ABHD15: variants seen among roughly 807,000 people sequenced by gnomAD.
The protein encoded by ABHD15 is abhydrolase domain containing 15.
ABHD15 carries 34 observed loss-of-function variants against 34.4 expected under a neutral mutation model. The observed-to-expected ratio is 0.99, with a 90% CI of 0.75 to 1.32. The LOEUF is 1.32. Ranked by LOEUF, ABHD15 falls within the 40% of genes most tolerant of loss-of-function variation. The pLI is 0.00. For missense variants in ABHD15, 644 were observed against 650.4 expected, an observed-to-expected ratio of 0.99 and a Z score of 0.11; for synonymous variants, 314 against 299.2, an observed-to-expected ratio of 1.05 and a Z score of -0.51.
rs768689537 is a variant in ABHD15, at chr17:29,566,710, G to A, written c.257C>T (p.Ala86Val). ...PSALAQCLLR[A>V]LRRSEALEAG... is the part of the protein sequence containing the mutation. Reference sequence around the variant, plus strand: ...CTCCAGCGCCTCTGAGCGCCGCAGGGCGCGCAGCAGGCACTGGGCCAGGGC... The same window carrying A: ...CTCCAGCGCCTCTGAGCGCCGCAGGACGCGCAGCAGGCACTGGGCCAGGGC... The change falls in exon 1 of 2, where the codon GCC (alanine) becomes GTC (valine). Residue 86 changes from alanine (A) to valine (V), a missense_variant. By Grantham distance (64) the Ala-to-Val change is moderately conservative. Coordinates refer to ENST00000307201, the MANE Select transcript of ABHD15 (RefSeq NM_198147.3). 30 of 1,581,216 alleles carry A rather than the reference G, an allele frequency of 1.9e-5. No homozygotes were observed. The highest frequency in any genetic ancestry group is 1.9e-5 in the Non-Finnish European group (22 of 1,170,090).
At chr17:29,565,288 T>G (rs1332304416) in intron 1 of ABHD15, among the ~76,000 whole-genome samples, 3 of 152,058 alleles carry the variant, frequency 2.0e-5, no homozygotes, top group Non-Finnish European at 2.9e-5. Context: ...AATAATAATT[T>G]TAATAAATGC....
chr17:29,562,813 G>A lies in ABHD15; in HGVS notation c.1155C>T (p.Leu385=). The change falls in exon 2 of 2, where the codon CTC becomes CTT. Residue 385 remains leucine (L), a synonymous_variant. Transcript: ENST00000307201. ...FHSNPYFFLL[L]SRHGGHCGFL... Reference sequence around the variant, plus strand: ...AGCCACAGTGGCCTCCGTGGCGACTGAGCAGGAGGAAGAAGTAGGGGTTGC... The same window carrying A: ...AGCCACAGTGGCCTCCGTGGCGACTAAGCAGGAGGAAGAAGTAGGGGTTGC... 1 of 1,613,664 alleles carries A rather than the reference G, an allele frequency of 6.2e-7. No homozygotes were observed.
chr17:29,563,384 TAAAAAA>T (rs34446912), intron 1 of ABHD15, among the ~76,000 whole-genome samples: 5 of 121,556 alleles, frequency 4.1e-5, no homozygotes, highest in Non-Finnish European at 7.0e-5. Flanking sequence ...AACCCATCTC[TAAAAAA>T]AAAAAAAAAA....
At chr17:29,565,751 G>T (rs2032696095) in intron 1 of ABHD15, among the ~76,000 whole-genome samples, 1 of 152,242 alleles carries the variant, frequency 6.6e-6, no homozygotes. Context: ...CTGTTAAGCT[G>T]TGGGCTAAGT....
In ABHD15 at chr17:29,561,490, A is replaced by G. The variant is rs1456336501; in HGVS notation, c.*1071T>C. 1.3e-5 allele frequency: 2 copies of G among 152,200 alleles called. No individual in the cohort carries two copies. Among genetic ancestry groups the G allele is most frequent in the East Asian group, 3.9e-4 (2 of 5,190 alleles). 9.4% of individuals were successfully genotyped at this position (152,200 alleles called of 1,614,324 possible). A position where few individuals can be genotyped will look rare whatever the true frequency, so the allele number is the denominator to read the frequency against. On this transcript the variant is annotated 3_prime_UTR_variant, in exon 2 of 2. Transcript: ENST00000307201. ...CCTTTACAGGGATGGCCTTTTGAATAATTGAGCAGACGAAGCATTGGAATA... is the reference window on the plus strand; with the variant it reads ...CCTTTACAGGGATGGCCTTTTGAATGATTGAGCAGACGAAGCATTGGAATA...
rs1598542748 is a variant in ABHD15, at chr17:29,562,379, G to C, written c.*182C>G. 1 of 640,290 alleles carries C rather than the reference G, an allele frequency of 1.6e-6. No homozygotes were observed. The highest frequency in any genetic ancestry group is 2.7e-5 in the East Asian group (1 of 37,010). The allele number at this position is 640,290 out of a possible 1,614,324, so 39.7% of individuals were successfully genotyped here. A position where few individuals can be genotyped will look rare whatever the true frequency, so the allele number is the denominator to read the frequency against. ...GCCAGGCAGGAGTTCTGCTGAGGATGAAGTGAGTGCAGGCTCGCAGGACGT... is the reference window on the plus strand; with the variant it reads ...GCCAGGCAGGAGTTCTGCTGAGGATCAAGTGAGTGCAGGCTCGCAGGACGT... On this transcript the variant is annotated 3_prime_UTR_variant, in exon 2 of 2. Coordinates refer to ENST00000307201, the MANE Select transcript of ABHD15 (RefSeq NM_198147.3).
In ABHD15 at chr17:29,566,190, G is replaced by A. The variant is rs1409526655; in HGVS notation, c.777C>T (p.Ala259=). The A allele has an allele frequency of 1.2e-6, 2 of 1,609,802 alleles. No individual in the cohort carries two copies. ...ECGSSSYVTG[A]ACISPVLRCR... is the part of the protein sequence containing the mutation. ...AGCGCAGCACGGGCGAGATGCAGGC[G>A]GCGCCTGTCACGTAGCTGGAGGAGC... Residue 259 remains alanine, a synonymous_variant, in exon 1 of 2, where the codon GCC becomes GCT. Coordinates refer to ENST00000307201, the MANE Select transcript of ABHD15 (RefSeq NM_198147.3).
In ABHD15 at chr17:29,561,642, C is replaced by T. The variant is rs1019846177; in HGVS notation, c.*919G>A. The T allele has an allele frequency of 6.6e-6, 1 of 152,546 alleles. No individual in the cohort carries two copies. The highest frequency in any genetic ancestry group is 2.4e-5 in the African/African-American group (1 of 41,446). The allele number at this position is 152,546 out of a possible 1,614,324, so 9.4% of individuals were successfully genotyped here. A position where few individuals can be genotyped will look rare whatever the true frequency, so the allele number is the denominator to read the frequency against. ...GTAGTAGGATCAGAAAAGGGAGCAA[C>T]CAACCAGAAAACACCTAAGTTATGA... On this transcript the variant is annotated 3_prime_UTR_variant, in exon 2 of 2. Coordinates refer to ENST00000307201, the MANE Select transcript of ABHD15 (RefSeq NM_198147.3).
rs2032649702 is a variant in ABHD15 at position 29,562,924 on chromosome 17, T to C, written c.1044A>G (p.Ala348=). Residue 348 remains alanine, a synonymous_variant, in exon 2 of 2, where the codon GCA becomes GCG. Transcript: ENST00000307201. ...TGCAGATACACAGCACAGGCACGGCTGCCTCATCGACATCCCGGAGCGGGT... is the reference window on the plus strand; with the variant it reads ...TGCAGATACACAGCACAGGCACGGCCGCCTCATCGACATCCCGGAGCGGGT... ...RNDPLRDVDE[A]AVPVLCICSA... The C allele has an allele frequency of 6.2e-7, 1 of 1,614,120 alleles. No individual in the cohort carries two copies. The highest frequency in any genetic ancestry group is 1.1e-5 in the South Asian group (1 of 91,086).
Position 29,562,994 on chromosome 17 carries a change from G to A in ABHD15, c.974C>T (p.Thr325Ile), listed in dbSNP as rs376067361. Residue 325 changes from threonine (T) to isoleucine (I), a missense_variant, in exon 2 of 2, where the codon ACC (threonine) becomes ATC (isoleucine). Physicochemically the swap from Thr to Ile is moderately conservative, Grantham distance 89. Coordinates refer to ENST00000307201, the MANE Select transcript of ABHD15 (RefSeq NM_198147.3). ...ATCCCAGCTGATGGGGAAGCTTTTG[G>A]TGTGGCAGAAGAGAGCCTCCTCAAA... ...REFEEALFCH[T>I]KSFPISWDTY... is the part of the protein sequence containing the mutation. 28 of 1,613,600 alleles carry A rather than the reference G, an allele frequency of 1.7e-5. No homozygotes were observed. Among genetic ancestry groups the A allele is most frequent in the Non-Finnish European group, 2.1e-5 (25 of 1,180,032 alleles).
At chr17:29,564,033 T>C (rs188232378) in intron 1 of ABHD15, among the ~76,000 whole-genome samples, 1 of 152,308 alleles carries the variant, frequency 6.6e-6, no homozygotes, top group East Asian at 1.9e-4. Flanking sequence ...GGCCTGTCAT[T>C]CACAGCATCA....
rs2032717241 is a variant in ABHD15, at chr17:29,566,560, G to A, written c.407C>T (p.Ala136Val). ...ACAAGGTCCTACCACCCAGTCCAGG[G>A]CCACTAGCCCATCGTCCGCCAACTG... ...YLQLADDGLV[A>V]LDWVVGPCVR... Residue 136 changes from alanine (A) to valine (V), a missense_variant, in exon 1 of 2, where the codon GCC (alanine) becomes GTC (valine). Physicochemically the swap from Ala to Val is moderately conservative, Grantham distance 64 (BLOSUM62 0). Coordinates refer to ENST00000307201, the MANE Select transcript of ABHD15 (RefSeq NM_198147.3). The A allele has an allele frequency of 3.7e-6, 6 of 1,609,262 alleles. No homozygotes were observed. The highest frequency in any genetic ancestry group is 1.3e-5 in the African/African-American group (1 of 74,866).
Position 29,566,589 on chromosome 17 carries a change from G to C in ABHD15, c.378C>G (p.Tyr126Ter). 6.2e-7 allele frequency: 1 copy of C among 1,607,866 alleles called. No individual in the cohort carries two copies. The highest frequency in any genetic ancestry group is 8.5e-7 in the Non-Finnish European group (1 of 1,178,730). Reference sequence around the variant, plus strand: ...CTAGCCCATCGTCCGCCAACTGCAGGTACTCCCGGGCCAGCTCAGGCCCAG... The same window carrying C: ...CTAGCCCATCGTCCGCCAACTGCAGCTACTCCCGGGCCAGCTCAGGCCCAG... ...VAPGPELARE[Y>*]LQLADDGLVA... The change falls in exon 1 of 2, where the codon TAC becomes TAG. Residue 126 changes from tyrosine (Y) to a stop codon, truncating the protein, a stop_gained. Coordinates refer to ENST00000307201, the MANE Select transcript of ABHD15 (RefSeq NM_198147.3). LOFTEE classifies it high-confidence loss of function.
At position 29,566,616 on chromosome 17, in the gene ABHD15, C is replaced by T; in HGVS notation, c.351G>A (p.Ala117=). ...QTLCHFVLPV[A]PGPELAREYL... Reference sequence around the variant, plus strand: ...ACTCCCGGGCCAGCTCAGGCCCAGGCGCTACGGGCAGGACGAAGTGGCAGA... The same window carrying T: ...ACTCCCGGGCCAGCTCAGGCCCAGGTGCTACGGGCAGGACGAAGTGGCAGA... Residue 117 remains alanine (A), a synonymous_variant, in exon 1 of 2, where the codon GCG becomes GCA. Transcript: ENST00000307201. The T allele has an allele frequency of 1.2e-6, 2 of 1,608,662 alleles. No homozygotes were observed.
intron 1 of ABHD15, among the ~76,000 whole-genome samples, chr17:29,563,590 G>A (rs192670710): frequency 6.0e-4 from 92 of 152,122 alleles, no homozygotes; most frequent in Admixed American, 1.5e-3. Context: ...GGCCAGGCGC[G>A]GTGGCTCATG....
intron 1 of ABHD15, 183 bp downstream of exon 1, chr17:29,565,903 T>C (rs1010957904): frequency 2.2e-5 from 19 of 847,500 alleles, no homozygotes; most frequent in East Asian, 1.8e-4. Context: ...ATCGATGACC[T>C]TTAAACCCGC....
Position 29,562,073 on chromosome 17 carries a change from A to G in ABHD15, c.*488T>C, listed in dbSNP as rs145663736. The G allele has an allele frequency of 7.8e-5, 12 of 153,412 alleles. No homozygotes were observed. The highest frequency in any genetic ancestry group is 1.5e-4 in the Non-Finnish European group (10 of 68,834). The allele number at this position is 153,412 out of a possible 1,614,324, so 9.5% of individuals were successfully genotyped here. ...GCCGCAGTTGCCAGAGCATTCGGTC[A>G]AAGCAGGGCGCCACAACCACAGAGC... On this transcript the variant is annotated 3_prime_UTR_variant, in exon 2 of 2. Transcript: ENST00000307201.
rs1451466980 is a variant in ABHD15 at position 29,562,642 on chromosome 17, C to T, written c.1326G>A (p.Gly442=). The change falls in exon 2 of 2, where the codon GGG becomes GGA. Residue 442 remains glycine, a synonymous_variant. Transcript: ENST00000307201. ...AGACTTCCCGCCTCTGCAAGGCTCC[C>T]CCACGACGACGGCCCCCAAGGAAGG... ...RASFLGGRRR[G]GALQRREVSS... The T allele has an allele frequency of 3.1e-6, 5 of 1,614,028 alleles. No individual in the cohort carries two copies. Among genetic ancestry groups the T allele is most frequent in the East Asian group, 4.5e-5 (2 of 44,892 alleles).
chr17:29,566,543 C>T lies in ABHD15; in HGVS notation c.424G>A (p.Gly142Arg). Residue 142 changes from glycine to arginine, a missense_variant, in exon 1 of 2, where the codon GGA (glycine) becomes AGA (arginine). By Grantham distance (125) the Gly-to-Arg change is moderately radical (BLOSUM62 -2). Coordinates refer to ENST00000307201, the MANE Select transcript of ABHD15 (RefSeq NM_198147.3). ...ATCCGGCGGCCCCGAACACAAGGTCCTACCACCCAGTCCAGGGCCACTAGC... is the reference window on the plus strand; with the variant it reads ...ATCCGGCGGCCCCGAACACAAGGTCTTACCACCCAGTCCAGGGCCACTAGC... The part of the protein sequence containing the change: ...DGLVALDWVV[G>R]PCVRGRRITS... 6.2e-7 allele frequency: 1 copy of T among 1,610,312 alleles called. No homozygotes were observed. The highest frequency in any genetic ancestry group is 8.5e-7 in the Non-Finnish European group (1 of 1,179,428).
Sources: allele counts gnomAD v4.1 joint callset (sites outside exome capture counted in the v4.1 genomes callset), GRCh38; gene constraint gnomAD v4.1.1; transcripts MANE v1.5; gene names NCBI Gene and HGNC (gene_info 2026-07-23, HGNC 2026-07-21).